The following FBL variants were observed in gnomAD, a reference collection of about 807,000 sequenced individuals.
The protein encoded by FBL is rRNA 2'-O-methyltransferase fibrillarin.
FBL carries 10 observed loss-of-function variants against 42.2 expected under a neutral mutation model. That is an observed-to-expected ratio of 0.24 (90% CI 0.15 to 0.40). The LOEUF (loss-of-function observed/expected upper bound fraction) is 0.40, where lower values mean the gene tolerates loss of function less well. FBL is among the 10% of genes least tolerant of loss of function. The pLI, the probability that FBL is intolerant of heterozygous loss-of-function variation, is 1.00. For missense variants in FBL, 351 were observed against 439.2 expected, an observed-to-expected ratio of 0.80 and a Z score of 1.79; for synonymous variants, 165 against 165.4, an observed-to-expected ratio of 1.00 and a Z score of 0.02.
At chr19:39,845,933 A>T (rs751801659) in intron 1 of FBL, among the ~76,000 whole-genome samples, 108 of 152,120 alleles carry the variant, frequency 7.1e-4, no homozygotes, top group Non-Finnish European at 1.9e-4. Flanking sequence ...GATTCCCAAA[A>T]CACGCCCAGC....
rs571727522 is a variant in FBL at position 39,842,148 on chromosome 19, C to T, written c.11-1361G>A. On this transcript the variant is annotated intron_variant, in intron 1 of 8. Transcript: ENST00000221801. ...TCACCCAGGCTGGAGTGCAGTGACACGATCTCGGCTCACTGCAAGCTCCAC... is the reference window on the plus strand; with the variant it reads ...TCACCCAGGCTGGAGTGCAGTGACATGATCTCGGCTCACTGCAAGCTCCAC... Among the ~76,000 whole-genome samples the T allele has an allele frequency of 1.4e-4, 21 of 151,616 alleles. 1 individual carries two copies. The South Asian group carries it at 4.4e-3, about 32-fold the overall frequency.
intron 1 of FBL, among the ~76,000 whole-genome samples, chr19:39,843,545 G>A (rs913854465): frequency 1.3e-5 from 2 of 152,170 alleles, no homozygotes; most frequent in East Asian, 3.8e-4. Flanking sequence ...CCAGGCAGGC[G>A]GACAGTTTGA....
intron 1 of FBL, among the ~76,000 whole-genome samples, chr19:39,844,062 T>C (rs1394359911): frequency 6.6e-6 from 1 of 152,102 alleles, no homozygotes; most frequent in Non-Finnish European, 1.5e-5. Context: ...TAAAATGAAG[T>C]TTCCTTTTCA....
At chr19:39,843,009 T>C (rs1969189011) in intron 1 of FBL, among the ~76,000 whole-genome samples, 2 of 152,212 alleles carry the variant, frequency 1.3e-5, no homozygotes, top group African/African-American at 4.8e-5. Context: ...CTTCACTGCA[T>C]TCTGGTCTCT....
chr19:39,840,328 C>T lies in FBL; in HGVS notation c.284-1G>A. The T allele has an allele frequency of 6.2e-7, 1 of 1,613,900 alleles. No homozygotes were observed. The highest frequency in any genetic ancestry group is 8.5e-7 in the Non-Finnish European group (1 of 1,179,806). ...TCCTTTCCTCGACAAATGAAGACAC[C>T]TGGGTGAGGGGATCAGAGCAGGGGT... On this transcript the variant is annotated splice_acceptor_variant, in intron 3 of 8. Coordinates refer to ENST00000221801, the MANE Select transcript of FBL (RefSeq NM_001436.4). LOFTEE classifies it high-confidence loss of function. The surrounding 1 kb of genome is among the most constrained non-coding windows in gnomAD (Gnocchi z 4.5).
chr19:39,845,372 C>A (rs1387356193), intron 1 of FBL, among the ~76,000 whole-genome samples: 1 of 151,896 alleles, frequency 6.6e-6, no homozygotes, highest in Non-Finnish European at 1.5e-5. Flanking sequence ...TTTTTTTTAA[C>A]GTCGCTTAAT....
At chr19:39,835,799 G>A (rs1969033485) in intron 7 of FBL, among the ~76,000 whole-genome samples, 2 of 152,030 alleles carry the variant, frequency 1.3e-5, no homozygotes. Flanking sequence ...GGTGGCACAC[G>A]CCTGTAGTCC....
In FBL at chr19:39,845,450, C is replaced by T. The variant is rs138302818; in HGVS notation, c.10+841G>A. ...AGAGGTAAAGCCACTTGCCCAAGTT[C>T]ACACAGCAGGCTAAGAAGCTGAGCA... On this transcript the variant is annotated intron_variant, in intron 1 of 8. Coordinates refer to ENST00000221801, the MANE Select transcript of FBL (RefSeq NM_001436.4). Among the ~76,000 whole-genome samples, 26 of 152,300 alleles carry T rather than the reference C, an allele frequency of 1.7e-4. No individual in the cohort carries two copies. In the East Asian group the frequency reaches 5.0e-3, roughly 29 times the overall value.
chr19:39,840,933 A>G lies in FBL; in HGVS notation c.11-146T>C. ...CATTTCCAAGAATGTCCACAGCAAA[A>G]GAAAAGTGAAGACTAACCCAAATGT... is the stretch of plus-strand genomic sequence containing the variant. On this transcript the variant is annotated intron_variant, in intron 1 of 8. Coordinates refer to ENST00000221801, the MANE Select transcript of FBL (RefSeq NM_001436.4). The surrounding 1 kb of genome is among the most constrained non-coding windows in gnomAD (Gnocchi z 4.5). 1.4e-6 allele frequency: 1 copy of G among 706,610 alleles called. No homozygotes were observed. The highest frequency in any genetic ancestry group is 2.2e-6 in the Non-Finnish European group (1 of 460,662). The allele number at this position is 706,610 out of a possible 1,614,324, so 43.8% of individuals were successfully genotyped here.
chr19:39,837,296 T>G (rs1276489553), intron 6 of FBL, among the ~76,000 whole-genome samples: 1 of 152,202 alleles, frequency 6.6e-6, no homozygotes, highest in Non-Finnish European at 1.5e-5. Context: ...ATATTATATC[T>G]TTGAATGTTT....
At chr19:39,842,187 G>T (rs1165694817) in intron 1 of FBL, among the ~76,000 whole-genome samples, 1 of 151,334 alleles carries the variant, frequency 6.6e-6, no homozygotes, top group African/African-American at 2.4e-5. Flanking sequence ...CCAGGTTCAC[G>T]CCTTTCTCCT....
In FBL at chr19:39,846,340, T is replaced by C; in HGVS notation, c.-40A>G. The C allele has an allele frequency of 1.2e-6, 2 of 1,611,934 alleles. No individual in the cohort carries two copies. The highest frequency in any genetic ancestry group is 1.7e-6 in the Non-Finnish European group (2 of 1,179,102). On this transcript the variant is annotated 5_prime_UTR_variant, in exon 1 of 9. Coordinates refer to ENST00000221801, the MANE Select transcript of FBL (RefSeq NM_001436.4). ...TGTGCGGCTCCGGAGTCCGCGGCGTTCACAACTCCACGAGTCCGGGGCTTT... is the reference window on the plus strand; with the variant it reads ...TGTGCGGCTCCGGAGTCCGCGGCGTCCACAACTCCACGAGTCCGGGGCTTT...
rs1378676336 is a variant in FBL, at chr19:39,834,555, G to T, written c.949C>A (p.Pro317Thr). 1.2e-6 allele frequency: 2 copies of T among 1,614,128 alleles called. No homozygotes were observed. Among genetic ancestry groups the T allele is most frequent in the East Asian group, 2.2e-5 (1 of 44,882 alleles). The change falls in exon 9 of 9, where the codon CCC becomes ACC. Residue 317 changes from proline to threonine, a missense_variant. Transcript: ENST00000221801. The part of the protein sequence containing the change: ...AVVVGVYRPP[P>T]KVKN Reference sequence around the variant, plus strand: ...GCTGAACTTCAGTTCTTCACCTTGGGGGGTGGCCTGTGAGAGGAAGATAGG... The same window carrying T: ...GCTGAACTTCAGTTCTTCACCTTGGTGGGTGGCCTGTGAGAGGAAGATAGG...
At position 39,840,691 on chromosome 19, in the gene FBL, C is replaced by G. The variant is rs751231945; in HGVS notation, c.107G>C (p.Arg36Pro). Residue 36 changes from arginine to proline, a missense_variant, in exon 2 of 9, where the codon CGA becomes CCA. Physicochemically the swap from Arg to Pro is moderately radical, Grantham distance 103. Transcript: ENST00000221801. This position sits in a 1 kb window ranked among gnomAD's most constrained non-coding sequence, Gnocchi z 4.5. ...TCCACGACCTCTAAAGCCTCCGCCT[C>G]GACCTCGGCCCCCGCCAAAGCCCCC... is the stretch of plus-strand genomic sequence containing the variant. ...GRGGFGGGRG[R>P]GGGFRGRGRG... 1.3e-5 allele frequency: 21 copies of G among 1,591,994 alleles called. 1 individual carries two copies. The highest frequency in any genetic ancestry group is 1.8e-5 in the Non-Finnish European group (21 of 1,169,696).
chr19:39,845,613 C>T (rs1969249209), intron 1 of FBL, among the ~76,000 whole-genome samples: 1 of 152,182 alleles, frequency 6.6e-6, no homozygotes, highest in African/African-American at 2.4e-5. Flanking sequence ...GTGACAACCA[C>T]CCGCCCCACC....
intron 1 of FBL, among the ~76,000 whole-genome samples, chr19:39,842,643 C>T (rs1568542156): frequency 6.6e-6 from 1 of 152,136 alleles, no homozygotes; most frequent in Non-Finnish European, 1.5e-5. Context: ...TCTCATCATG[C>T]CCTTGCCCAA....
intron 1 of FBL, among the ~76,000 whole-genome samples, chr19:39,842,534 A>G (rs1008498294): frequency 2.6e-5 from 4 of 152,284 alleles, no homozygotes; most frequent in African/African-American, 7.2e-5. Flanking sequence ...CAAAACTCCC[A>G]AACAACCAAA....
intron 1 of FBL, among the ~76,000 whole-genome samples, chr19:39,841,934 G>A (rs185002416): frequency 2.1e-4 from 32 of 152,266 alleles, no homozygotes; most frequent in Admixed American, 1.8e-3. Flanking sequence ...GTTTAAAACA[G>A]AACTCTGGTG....
In FBL at chr19:39,834,520, T is replaced by C; in HGVS notation, c.*18A>G. 6.2e-7 allele frequency: 1 copy of C among 1,614,066 alleles called. No individual in the cohort carries two copies. Among genetic ancestry groups the C allele is most frequent in the Admixed American group, 1.7e-5 (1 of 60,022 alleles). Reference sequence around the variant, plus strand: ...CAGTATCAACACACATCTCTCGCAATCCTGACAGCGCTGAACTTCAGTTCT... The same window carrying C: ...CAGTATCAACACACATCTCTCGCAACCCTGACAGCGCTGAACTTCAGTTCT... On this transcript the variant is annotated 3_prime_UTR_variant, in exon 9 of 9. Coordinates refer to ENST00000221801, the MANE Select transcript of FBL (RefSeq NM_001436.4).
Sources: gnomAD v4.1 joint callset for allele counts (sites outside exome capture counted in the v4.1 genomes callset) on GRCh38, gnomAD v4.1.1 for gene constraint, Gnocchi (gnomAD v3.1) non-coding constraint, MANE v1.5 for transcripts, NCBI Gene and HGNC (gene_info 2026-07-23, HGNC 2026-07-21) for gene names.